The following SETD3 variants were observed in gnomAD, a reference collection of about 807,000 sequenced individuals.
SETD3 encodes the protein SET domain containing 3, actin N3(tau)-histidine methyltransferase.
Under a neutral mutation model 63.0 loss-of-function variants are expected in SETD3, and 19 were observed. That is an observed-to-expected ratio of 0.30 (90% CI 0.21 to 0.44). SETD3 has a LOEUF of 0.44. Among genes scored for constraint, SETD3 ranks in the 20% least tolerant of loss-of-function variants. The probability of loss-of-function intolerance (pLI) is 1.00; values close to 1 mark genes in which losing one functional copy is unlikely to be tolerated. For synonymous variants in SETD3, 286 were observed against 264.1 expected, an observed-to-expected ratio of 1.08 and a Z score of -0.80; for missense variants, 587 against 728.5, an observed-to-expected ratio of 0.81 and a Z score of 2.24.
chr14:99,481,300 T>C (rs768448699), upstream of SETD3: 11 of 395,798 alleles, frequency 2.8e-5, no homozygotes, highest in East Asian at 3.9e-4. Flanking sequence ...GGCTCGTTCC[T>C]CTTTTGAGAG....
At chr14:99,459,497 C>T (rs1234489353) in intron 4 of SETD3, among the ~76,000 whole-genome samples, 1 of 152,114 alleles carries the variant, frequency 6.6e-6, no homozygotes, top group Non-Finnish European at 1.5e-5. Flanking sequence ...AGCATAAAGG[C>T]GTTTACTGTA....
Position 99,414,067 on chromosome 14 carries a change from C to T in SETD3, c.676-133G>A, listed in dbSNP as rs1007346096. ...CCAAATGAAGCAGGCGGCGTCCAGCCGCGCTACAGAGGGATCATCGCGCTG... is the reference window on the plus strand; with the variant it reads ...CCAAATGAAGCAGGCGGCGTCCAGCTGCGCTACAGAGGGATCATCGCGCTG... On this transcript the variant is annotated intron_variant, in intron 6 of 12. Coordinates refer to ENST00000331768, the MANE Select transcript of SETD3 (RefSeq NM_032233.3). 1.2e-5 allele frequency: 9 copies of T among 770,864 alleles called. No individual in the cohort carries two copies. The East Asian group carries it at 1.3e-4, about 11-fold the overall frequency. The allele number at this position is 770,864 out of a possible 1,614,324, so 47.8% of individuals were successfully genotyped here.
rs1891220848 is a variant in SETD3, at chr14:99,398,840, T to C, written c.1624A>G (p.Ile542Val). 1 of 1,614,130 alleles carries C rather than the reference T, an allele frequency of 6.2e-7. No individual in the cohort carries two copies. The highest frequency in any genetic ancestry group is 8.5e-7 in the Non-Finnish European group (1 of 1,180,054). ...VQDALNIREA[I>V]SKAKATENGL... is the part of the protein sequence containing the mutation. ...TTTTCTGTGGCCTTTGCTTTGCTGA[T>C]TGCCTCTCTGATGTTCAAGGCATCC... is the stretch of plus-strand genomic sequence containing the variant. Residue 542 changes from isoleucine to valine, a missense_variant, in exon 13 of 13, where the codon ATC becomes GTC. Coordinates refer to ENST00000331768, the MANE Select transcript of SETD3 (RefSeq NM_032233.3).
rs142804429 is a variant in SETD3, at chr14:99,407,538, A to G, written c.850-948T>C. ...GTACGATGTCACTCTCCTGTTCAAA[A>G]TCTTCCTATGATTCCGCTCTGCCTT... On this transcript the variant is annotated intron_variant, in intron 8 of 12. Transcript: ENST00000331768. Among the ~76,000 whole-genome samples the G allele has an allele frequency of 1.5e-3, 228 of 152,208 alleles. 1 individual carries two copies. The highest frequency in any genetic ancestry group is 5.2e-3 in the African/African-American group (215 of 41,538).
In SETD3 at chr14:99,461,240, A is replaced by C; in HGVS notation, c.297T>G (p.Val99=). The C allele has an allele frequency of 6.2e-7, 1 of 1,614,216 alleles. No individual in the cohort carries two copies. The highest frequency in any genetic ancestry group is 2.2e-5 in the East Asian group (1 of 44,890). The change falls in exon 4 of 13, where the codon GTT becomes GTG. Residue 99 remains valine, a synonymous_variant. Coordinates refer to ENST00000331768, the MANE Select transcript of SETD3 (RefSeq NM_032233.3). ...AACCAAAGCCCTCTTCTTTGAAGTT[A>C]ACCATTTCAAAACCCTCGACAGAAG... ...NGASVEGFEM[V]NFKEEGFGLR...
chr14:99,464,516 G>A (rs1161546184), intron 2 of SETD3, among the ~76,000 whole-genome samples: 1 of 152,188 alleles, frequency 6.6e-6, no homozygotes, highest in Non-Finnish European at 1.5e-5. Flanking sequence ...AGGCAGGGGA[G>A]CTCAGCGAGG....
chr14:99,424,874 G>C (rs1197363328), intron 6 of SETD3, among the ~76,000 whole-genome samples: 2 of 152,126 alleles, frequency 1.3e-5, no homozygotes, highest in Non-Finnish European at 2.9e-5. Flanking sequence ...CCTTTCTCCA[G>C]GCAGGAAGGA....
At chr14:99,471,573 T>C (rs1895708148) in intron 1 of SETD3, among the ~76,000 whole-genome samples, 1 of 152,200 alleles carries the variant, frequency 6.6e-6, no homozygotes, top group Non-Finnish European at 1.5e-5. Flanking sequence ...AGTTCGAGGC[T>C]GCAGCGAGCT....
intron 6 of SETD3, among the ~76,000 whole-genome samples, chr14:99,448,238 G>C (rs951585540): frequency 4.6e-5 from 7 of 152,126 alleles, no homozygotes; most frequent in African/African-American, 1.7e-4. Context: ...CTCCCTCACA[G>C]GGTAAGGATC....
chr14:99,464,385 C>T (rs568611981), intron 2 of SETD3, among the ~76,000 whole-genome samples: 5 of 152,364 alleles, frequency 3.3e-5, no homozygotes, highest in East Asian at 1.9e-4. Flanking sequence ...ACTAGACACA[C>T]GCTGAGTCTT....
At chr14:99,424,157 T>A (rs1892750742) in intron 6 of SETD3, among the ~76,000 whole-genome samples, 1 of 152,254 alleles carries the variant, frequency 6.6e-6, no homozygotes, top group Admixed American at 6.5e-5. Flanking sequence ...ATAGACTGAC[T>A]TAAGCTATCT....
Position 99,461,211 on chromosome 14 carries a change from C to G in SETD3, c.326G>C (p.Arg109Thr), listed in dbSNP as rs1319652017. ...VNFKEEGFGL[R>T]ATRDIKAEEL... is the part of the protein sequence containing the mutation. Reference sequence around the variant, plus strand: ...ACTCACCTTGATATCTCTTGTTGCTCTCAAACCAAAGCCCTCTTCTTTGAA... The same window carrying G: ...ACTCACCTTGATATCTCTTGTTGCTGTCAAACCAAAGCCCTCTTCTTTGAA... Residue 109 changes from arginine (R) to threonine (T), a missense_variant, in exon 4 of 13, where the codon AGA becomes ACA. By Grantham distance (71) the Arg-to-Thr change is moderately conservative. Transcript: ENST00000331768. 5.0e-6 allele frequency: 8 copies of G among 1,613,972 alleles called. No individual in the cohort carries two copies. The highest frequency in any genetic ancestry group is 5.9e-6 in the Non-Finnish European group (7 of 1,179,972).
chr14:99,479,562 T>G (rs1379493638), intron 1 of SETD3, among the ~76,000 whole-genome samples: 1 of 152,344 alleles, frequency 6.6e-6, no homozygotes, highest in Non-Finnish European at 1.5e-5. Flanking sequence ...AGTTCAGTTT[T>G]GAAATACTGG....
intron 6 of SETD3, among the ~76,000 whole-genome samples, chr14:99,428,242 A>G (rs1322790297): frequency 6.6e-6 from 1 of 152,214 alleles, no homozygotes; most frequent in East Asian, 1.9e-4. Context: ...GGCACTTGAG[A>G]GGTGTCAGTA....
chr14:99,436,917 T>A (rs1893515958), intron 6 of SETD3, among the ~76,000 whole-genome samples: 1 of 152,200 alleles, frequency 6.6e-6, no homozygotes, highest in South Asian at 2.1e-4. Context: ...TGTGTTGAAA[T>A]GTAAATCAGC....
At chr14:99,420,720 A>AT (rs1164233917) in intron 6 of SETD3, among the ~76,000 whole-genome samples, 2 of 151,950 alleles carry the variant, frequency 1.3e-5, no homozygotes, top group Non-Finnish European at 2.9e-5. Context: ...CTTTAAACAC[A>AT]TTTGAGAAAG....
At chr14:99,458,927 T>C (rs915399857) in intron 5 of SETD3, among the ~76,000 whole-genome samples, 186 bp downstream of exon 5, 2 of 148,982 alleles carry the variant, frequency 1.3e-5, no homozygotes, top group African/African-American at 4.9e-5. Context: ...TCAAAAATAA[T>C]AATAATAATA....
At chr14:99,451,154 C>T (rs1455200209) in intron 6 of SETD3, among the ~76,000 whole-genome samples, 4 of 152,166 alleles carry the variant, frequency 2.6e-5, no homozygotes, top group Non-Finnish European at 5.9e-5. Flanking sequence ...AAGCCAAACC[C>T]TACTTTTCCA....
At chr14:99,451,347 A>G (rs1401763618) in intron 6 of SETD3, among the ~76,000 whole-genome samples, 1 of 152,212 alleles carries the variant, frequency 6.6e-6, no homozygotes, top group African/African-American at 2.4e-5. Flanking sequence ...TCACAAACTG[A>G]CATAAATTTT....
Sources: gnomAD v4.1 joint callset for allele counts (sites outside exome capture counted in the v4.1 genomes callset) on GRCh38, gnomAD v4.1.1 for gene constraint, MANE v1.5 for transcripts, NCBI Gene and HGNC (gene_info 2026-07-23, HGNC 2026-07-21) for gene names.